The following GPC6 variants were observed in gnomAD, a reference collection of about 807,000 sequenced individuals.
GPC6 encodes the protein glypican-6.
A neutral mutation model predicts 55.2 loss-of-function variants in GPC6; 14 were observed. That is an observed-to-expected ratio of 0.25 (90% CI 0.17 to 0.40). GPC6 has a LOEUF of 0.40. Ranked by LOEUF, GPC6 falls within the 10% of genes least tolerant of loss-of-function variation. The pLI is 1.00. For missense variants in GPC6, 641 were observed against 708.5 expected, an observed-to-expected ratio of 0.90 and a Z score of 1.08; for synonymous variants, 278 against 259.6, an observed-to-expected ratio of 1.07 and a Z score of -0.68.
chr13:94,238,625 A>T (rs1282194916), intron 4 of GPC6, among the ~76,000 whole-genome samples: 1 of 152,178 alleles, frequency 6.6e-6, no homozygotes, highest in African/African-American at 2.4e-5. Flanking sequence ...TTGAGAAAGC[A>T]GTTCAATCAT....
At chr13:93,843,376 A>G (rs1328995945) in intron 3 of GPC6, among the ~76,000 whole-genome samples, 2 of 152,112 alleles carry the variant, frequency 1.3e-5, no homozygotes, top group African/African-American at 4.8e-5. Context: ...TACCTACTCC[A>G]CATAGTTCCA....
chr13:93,967,081 C>G (rs538149807), intron 3 of GPC6, among the ~76,000 whole-genome samples: 17 of 152,218 alleles, frequency 1.1e-4, no homozygotes, highest in African/African-American at 3.6e-4. Flanking sequence ...GGGAAGGTCT[C>G]CAAATACAGA....
At chr13:94,105,990 C>A (rs1347702160) in intron 4 of GPC6, among the ~76,000 whole-genome samples, 1 of 105,324 alleles carries the variant, frequency 9.5e-6, no homozygotes, top group Non-Finnish European at 2.0e-5. Context: ...AGTTATCCAG[C>A]TATCCTACAT....
chr13:94,051,451 A>C (rs1174821110), intron 4 of GPC6, among the ~76,000 whole-genome samples: 1 of 151,912 alleles, frequency 6.6e-6, no homozygotes, highest in Non-Finnish European at 1.5e-5. Flanking sequence ...TAAGGCATAT[A>C]CTCTTGTTGC....
intron 2 of GPC6, among the ~76,000 whole-genome samples, chr13:93,740,330 A>G (rs1383815687): frequency 3.9e-5 from 6 of 152,230 alleles, no homozygotes; most frequent in African/African-American, 1.2e-4. Context: ...TAAAGTAAAC[A>G]TGTAGCTGGA....
At chr13:94,153,431 A>G (rs1887815660) in intron 4 of GPC6, among the ~76,000 whole-genome samples, 1 of 152,120 alleles carries the variant, frequency 6.6e-6, no homozygotes, top group South Asian at 2.1e-4. Context: ...ACAAAGTATG[A>G]TAAATAGCAG....
rs944152098 is a variant in GPC6 at position 94,287,283 on chromosome 13, AC to A, written c.1008+807del. 5.9e-5 allele frequency among the ~76,000 whole-genome samples: 9 copies of A among 152,152 alleles called. 1 individual carries two copies. Among genetic ancestry groups the A allele is most frequent in the Admixed American group, 3.9e-4 (6 of 15,262 alleles). On this transcript the variant is annotated intron_variant, in intron 5 of 8. Transcript: ENST00000377047. ...AACCAAATCTATATCAGTCCTTTAA[AC>A]CCAGTGACCGAGTGATTGCATTTTA...
chr13:93,452,969 C>T (rs1878285032), intron 1 of GPC6, among the ~76,000 whole-genome samples: 1 of 152,202 alleles, frequency 6.6e-6, no homozygotes, highest in Non-Finnish European at 1.5e-5. Flanking sequence ...CATGACATAC[C>T]TTTGCACATA....
chr13:94,018,629 A>G (rs1448802206), intron 3 of GPC6, among the ~76,000 whole-genome samples: 2 of 152,148 alleles, frequency 1.3e-5, no homozygotes, highest in Non-Finnish European at 2.9e-5. Flanking sequence ...TTGCTTTGAT[A>G]GTGTTTTGTT....
intron 3 of GPC6, among the ~76,000 whole-genome samples, chr13:94,008,068 C>G (rs1566645519): frequency 6.6e-6 from 1 of 152,042 alleles, no homozygotes; most frequent in Non-Finnish European, 1.5e-5. Context: ...TAACAGCATT[C>G]AAGTTCTTGC....
the GPC6 span, among the ~76,000 whole-genome samples, chr13:93,217,657 T>C: frequency 6.6e-6 from 1 of 152,214 alleles, no homozygotes; most frequent in Non-Finnish European, 1.5e-5. Context: ...TAAAATAAGC[T>C]GGCTTAACCC....
intron 4 of GPC6, among the ~76,000 whole-genome samples, chr13:94,183,459 A>G (rs564451210): frequency 6.6e-6 from 1 of 152,206 alleles, no homozygotes; most frequent in Non-Finnish European, 1.5e-5. Flanking sequence ...TTATTAATTC[A>G]TCTGTTCATG....
At chr13:93,849,044 C>T (rs1337700987) in intron 3 of GPC6, among the ~76,000 whole-genome samples, 2 of 152,078 alleles carry the variant, frequency 1.3e-5, no homozygotes, top group Non-Finnish European at 2.9e-5. Flanking sequence ...CACATTGTAC[C>T]ATACAGTGGG....
intron 8 of GPC6, 129 bp downstream of exon 8, chr13:94,398,770 T>G (rs1881003866): frequency 1.3e-6 from 1 of 785,524 alleles, no homozygotes; most frequent in Non-Finnish European, 2.2e-6. Context: ...GCTGTGATTC[T>G]TGTTATAGTC....
chr13:93,977,513 TGTGTGG>T (rs60011555), intron 3 of GPC6, among the ~76,000 whole-genome samples: 3,415 of 107,516 alleles, frequency 0.032, 55 homozygotes, highest in East Asian at 0.085. Flanking sequence ...TGTGTGTGTG[TGTGTGG>T]TGTGTCTTTA....
At chr13:93,453,301 C>A (rs1878298217) in intron 1 of GPC6, among the ~76,000 whole-genome samples, 1 of 152,106 alleles carries the variant, frequency 6.6e-6, no homozygotes, top group Non-Finnish European at 1.5e-5. Context: ...GCTTTCCATT[C>A]CTACCTTTCT....
chr13:93,273,063 A>G (rs531013116), intron 1 of GPC6, among the ~76,000 whole-genome samples: 3 of 152,340 alleles, frequency 2.0e-5, no homozygotes, highest in Admixed American at 1.3e-4. Context: ...AAAAGCCGAA[A>G]TGACCTGAAA....
chr13:94,253,286 A>G (rs1428360150), intron 4 of GPC6, among the ~76,000 whole-genome samples: 1 of 152,124 alleles, frequency 6.6e-6, no homozygotes, highest in Non-Finnish European at 1.5e-5. Context: ...GAAGGGTGTT[A>G]TTTAAAATGA....
At chr13:93,987,154 A>G (rs1881067782) in intron 3 of GPC6, among the ~76,000 whole-genome samples, 1 of 152,176 alleles carries the variant, frequency 6.6e-6, no homozygotes, top group Non-Finnish European at 1.5e-5. Flanking sequence ...AATTCATAGT[A>G]AAGACTCAAT....
Sources: gnomAD v4.1 joint callset for allele counts (sites outside exome capture counted in the v4.1 genomes callset) on GRCh38, gnomAD v4.1.1 for gene constraint, MANE v1.5 for transcripts, NCBI Gene and HGNC (gene_info 2026-07-23, HGNC 2026-07-21) for gene names.